The following ELL variants were observed in gnomAD, a reference collection of about 807,000 sequenced individuals.
ELL encodes the protein elongation factor for RNA polymerase II.
Under a neutral mutation model 64.0 loss-of-function variants are expected in ELL, and 18 were observed. The observed-to-expected ratio is 0.28, with a 90% CI of 0.19 to 0.42. The LOEUF is 0.42. Among genes scored for constraint, ELL ranks in the 10% least tolerant of loss-of-function variants. The pLI is 1.00. For synonymous variants in ELL, 399 were observed against 376.2 expected (o/e 1.06, Z -0.70); for missense variants, 797 against 870.4 (o/e 0.92, Z 1.06).
Position 18,472,830 on chromosome 19 carries a change from C to CT in ELL, c.183+4dup, listed in dbSNP as rs747377253. ...CAAATATGAATGATTAAGACAAAAA[C>CT]TTACCCCTTGGCTTCCTTGAAATCG... On this transcript the variant is annotated splice_donor_region_variant and intron_variant, in intron 2 of 11. Transcript: ENST00000262809. The CT allele has an allele frequency of 7.0e-6, 11 of 1,568,956 alleles. No individual in the cohort carries two copies. In the African/African-American group the frequency reaches 1.5e-4, roughly 22 times the overall value.
At chr19:18,463,650 G>A (rs1974877364) in intron 4 of ELL, among the ~76,000 whole-genome samples, 1 of 151,948 alleles carries the variant, frequency 6.6e-6, no homozygotes, top group Non-Finnish European at 1.5e-5. Context: ...CATCTTAACA[G>A]ACAGCGTCCC....
chr19:18,487,202 C>A (rs899034183), intron 1 of ELL, among the ~76,000 whole-genome samples: 1 of 152,208 alleles, frequency 6.6e-6, no homozygotes, highest in African/African-American at 2.4e-5. Flanking sequence ...CATAAAAACC[C>A]ATTGAGGGCT....
intron 1 of ELL, among the ~76,000 whole-genome samples, chr19:18,508,711 G>A (rs979707839): frequency 2.6e-5 from 4 of 152,256 alleles, no homozygotes; most frequent in African/African-American, 9.6e-5. Flanking sequence ...TGGTATTTCA[G>A]GCTTTGTGAG....
chr19:18,510,076 C>G (rs1230177749), intron 1 of ELL, among the ~76,000 whole-genome samples: 3 of 152,222 alleles, frequency 2.0e-5, no homozygotes, highest in African/African-American at 7.2e-5. Context: ...CTTACAGAAA[C>G]CCATGTCCCA....
At chr19:18,458,659 G>T (rs1974736134) in intron 5 of ELL, among the ~76,000 whole-genome samples, 1 of 152,120 alleles carries the variant, frequency 6.6e-6, no homozygotes, top group African/African-American at 2.4e-5. Context: ...CTGCCCCCTG[G>T]CCCCTCTAGC....
chr19:18,478,337 TAATTA>T (rs752640718), intron 1 of ELL, among the ~76,000 whole-genome samples: 3 of 152,150 alleles, frequency 2.0e-5, no homozygotes, highest in Non-Finnish European at 2.9e-5. Context: ...CAGGCTGCAT[TAATTA>T]AATAACGGGG....
chr19:18,467,308 C>T lies in ELL; in HGVS notation c.184-1390G>A, dbSNP rs143171020. ...CTGAACACTGCCCCAGGAAAAAAGC[C>T]GTCCCATCTGCTGGGGTCTGCCCAG... On this transcript the variant is annotated intron_variant, in intron 2 of 11. Coordinates refer to ENST00000262809, the MANE Select transcript of ELL (RefSeq NM_006532.4). 6.6e-5 allele frequency among the ~76,000 whole-genome samples: 10 copies of T among 152,192 alleles called. No homozygotes were observed. The South Asian group carries it at 1.2e-3, about 19-fold the overall frequency.
At chr19:18,490,449 G>T (rs111587096) in intron 1 of ELL, among the ~76,000 whole-genome samples, 2,552 of 152,260 alleles carry the variant, frequency 0.017, 28 homozygotes, top group African/African-American at 0.04. Context: ...ACCTCACATT[G>T]TCCTCCCCGC....
chr19:18,521,700 C>T (rs1003786002), intron 1 of ELL, among the ~76,000 whole-genome samples: 1 of 152,104 alleles, frequency 6.6e-6, no homozygotes, highest in Non-Finnish European at 1.5e-5. Context: ...CCTCAGCAGC[C>T]CCGGGCCACC....
chr19:18,451,626 T>G lies in ELL; in HGVS notation c.892A>C (p.Thr298Pro). Reference sequence around the variant, plus strand: ...GCAGGGTCTCCAAGGAGGCTGCCAGTGCTCTGTGGCTGGCACAGCTTCCTG... The same window carrying G: ...GCAGGGTCTCCAAGGAGGCTGCCAGGGCTCTGTGGCTGGCACAGCTTCCTG... Reference protein sequence around the residue: ...LVRKLCQPQSTGSLLGDPAAS... With the variant: ...LVRKLCQPQSPGSLLGDPAAS... Residue 298 changes from threonine (T) to proline (P), a missense_variant, in exon 7 of 12, where the codon ACT (threonine) becomes CCT (proline). By Grantham distance (38) the Thr-to-Pro change is conservative. Transcript: ENST00000262809. The G allele has an allele frequency of 2.0e-6, 3 of 1,506,494 alleles. No individual in the cohort carries two copies. The highest frequency in any genetic ancestry group is 2.6e-6 in the Non-Finnish European group (3 of 1,132,918). The allele number at this position is 1,506,494 out of a possible 1,614,324, so 93.3% of individuals were successfully genotyped here. A position where few individuals can be genotyped will look rare whatever the true frequency, so the allele number is the denominator to read the frequency against.
rs1022076722 is a variant in ELL, at chr19:18,476,500, T to A, written c.136-3618A>T. Among the ~76,000 whole-genome samples the A allele has an allele frequency of 8.6e-5, 10 of 115,896 alleles. No homozygotes were observed. The South Asian group carries it at 9.1e-4, about 11-fold the overall frequency. 76.0% of individuals were successfully genotyped at this position (115,896 alleles called of 152,430 possible). ...ACCCACCCCGTGGCTCCATGCTCCC[T>A]GTGGGCCACGCCATCCAGTGAGGCA... On this transcript the variant is annotated intron_variant, in intron 1 of 11. Transcript: ENST00000262809.
At position 18,458,190 on chromosome 19, in the gene ELL, G is replaced by T; in HGVS notation, c.869+15C>A. 2 of 1,606,740 alleles carry T rather than the reference G, an allele frequency of 1.2e-6. No individual in the cohort carries two copies. The stretch of plus-strand genomic sequence containing the variant: ...TGCGGGTGGGGACATGCTGGGGGAT[G>T]GGAGGCGGCATTACCGGACGAGCAC... On this transcript the variant is annotated intron_variant, in intron 6 of 11. Coordinates refer to ENST00000262809, the MANE Select transcript of ELL (RefSeq NM_006532.4).
At chr19:18,458,066 G>A in intron 6 of ELL, 139 bp downstream of exon 6, 1 of 1,452,210 alleles carries the variant, frequency 6.9e-7, no homozygotes, top group African/African-American at 1.4e-5. Flanking sequence ...TGGCCAGAGA[G>A]GCCTACTTGG....
chr19:18,457,155 G>A (rs948081040), intron 6 of ELL, among the ~76,000 whole-genome samples: 5 of 152,158 alleles, frequency 3.3e-5, no homozygotes, highest in Non-Finnish European at 7.4e-5. Context: ...CTCAGCAGAC[G>A]GAACATGAGC....
At chr19:18,459,876 C>T (rs1169054183) in intron 5 of ELL, among the ~76,000 whole-genome samples, 2 of 152,206 alleles carry the variant, frequency 1.3e-5, no homozygotes, top group African/African-American at 4.8e-5. Flanking sequence ...CAAACTGCTG[C>T]CAGTTTCTCT....
Position 18,501,495 on chromosome 19 carries a change from C to T in ELL, c.135+20426G>A, listed in dbSNP as rs1024727437. 3.3e-5 allele frequency among the ~76,000 whole-genome samples: 5 copies of T among 152,192 alleles called. No homozygotes were observed. The highest frequency in any genetic ancestry group is 2.6e-4 in the Admixed American group (4 of 15,278). On this transcript the variant is annotated intron_variant, in intron 1 of 11. Transcript: ENST00000262809. The surrounding 1 kb of genome is among the most constrained non-coding windows in gnomAD (Gnocchi z 4.5). ...TTCAAGGCAGCTCTTCCAGGCCAGC[C>T]GGGGCCTTGGAGTGAGGGGCCACTG... is the stretch of plus-strand genomic sequence containing the variant.
chr19:18,444,985 G>GT, intron 11 of ELL, 117 bp from the exon 12 acceptor site: 5 of 1,230,968 alleles, frequency 4.1e-6, no homozygotes, highest in Non-Finnish European at 5.7e-6. Flanking sequence ...AGCAAGGAGG[G>GT]TTGTGGTCCA....
chr19:18,476,510 G>A (rs1022083571), intron 1 of ELL, among the ~76,000 whole-genome samples: 1 of 132,678 alleles, frequency 7.5e-6, no homozygotes, highest in Non-Finnish European at 1.6e-5. Flanking sequence ...TGTGGGCCAC[G>A]CCATCCAGTG....
At chr19:18,517,912 G>A (rs1976163042) in intron 1 of ELL, among the ~76,000 whole-genome samples, 1 of 148,740 alleles carries the variant, frequency 6.7e-6, no homozygotes, top group Non-Finnish European at 1.5e-5. Flanking sequence ...AGAAGGAGAA[G>A]AAGAAGAAAA....
Sources: allele counts gnomAD v4.1 joint callset (sites outside exome capture counted in the v4.1 genomes callset), GRCh38; gene constraint gnomAD v4.1.1; non-coding constraint Gnocchi (gnomAD v3.1); transcripts MANE v1.5; gene names NCBI Gene and HGNC (gene_info 2026-07-23, HGNC 2026-07-21).